SDK1: variants seen among roughly 807,000 people sequenced by gnomAD.
The protein encoded by SDK1 is protein sidekick-1.
In SDK1, 157 loss-of-function variants were observed where a neutral mutation model predicts 245.5. That is an observed-to-expected ratio of 0.64 (90% CI 0.56 to 0.73). The LOEUF (loss-of-function observed/expected upper bound fraction) is 0.73, where lower values mean the gene tolerates loss of function less well. SDK1 is among the 30% of genes least tolerant of loss of function. The pLI is 0.00. For synonymous variants in SDK1, 1,647 were observed against 1,278.5 expected (o/e 1.29, Z -6.15); for missense variants, 3,583 against 3,002.3 (o/e 1.19, Z -4.52).
chr7:3,638,210 T>C lies in SDK1; in HGVS notation c.459-794T>C, dbSNP rs185459561. Among the ~76,000 whole-genome samples, 6 of 152,306 alleles carry C rather than the reference T, an allele frequency of 3.9e-5. No individual in the cohort carries two copies. In the East Asian group the frequency reaches 5.8e-4, roughly 15 times the overall value. The stretch of plus-strand genomic sequence containing the variant: ...GCTTTGGGTGATATTTAAAGCCCAG[T>C]TGGGGAGACAGGTATCAGTGCGATA... On this transcript the variant is annotated intron_variant, in intron 2 of 44. Transcript: ENST00000404826.
intron 1 of SDK1, among the ~76,000 whole-genome samples, chr7:3,411,406 A>G (rs1562470784): frequency 1.3e-5 from 2 of 152,224 alleles, no homozygotes; most frequent in Middle Eastern, 3.2e-3. Context: ...AATCAGGAAC[A>G]TATGATCCAA....
intron 4 of SDK1, among the ~76,000 whole-genome samples, chr7:3,668,972 G>T (rs757774985): frequency 6.6e-6 from 1 of 152,170 alleles, no homozygotes; most frequent in African/African-American, 2.4e-5. Context: ...AGCATGTCTG[G>T]TAAGGAATGT....
chr7:3,521,559 T>C (rs1036971233), intron 1 of SDK1, among the ~76,000 whole-genome samples: 1 of 152,144 alleles, frequency 6.6e-6, no homozygotes, highest in African/African-American at 2.4e-5. Flanking sequence ...GTTAGTGTTT[T>C]AGGAGTTTAA....
chr7:3,483,323 A>C (rs778829051), intron 1 of SDK1, among the ~76,000 whole-genome samples: 15 of 151,994 alleles, frequency 9.9e-5, no homozygotes, highest in Non-Finnish European at 1.5e-4. Context: ...ACCTTTTTTT[A>C]GTTTTATACC....
chr7:3,619,915 C>T lies in SDK1; in HGVS notation c.458+676C>T, dbSNP rs190297608. On this transcript the variant is annotated intron_variant, in intron 2 of 44. Transcript: ENST00000404826. ...GAGGCAGTAGCACAGCCTTTGGAGC[C>T]TCAGGGTCTTACCACGCTTCAGAGC... Among the ~76,000 whole-genome samples, 5 of 152,238 alleles carry T rather than the reference C, an allele frequency of 3.3e-5. No homozygotes were observed. In the East Asian group the frequency reaches 9.7e-4, roughly 29 times the overall value.
chr7:3,550,391 G>A (rs1352224445), intron 1 of SDK1, among the ~76,000 whole-genome samples: 3 of 152,096 alleles, frequency 2.0e-5, no homozygotes, highest in African/African-American at 7.2e-5. Context: ...ACTGTGGCAC[G>A]AGTAAGAACT....
At chr7:3,853,482 T>A (rs866057008) in intron 5 of SDK1, among the ~76,000 whole-genome samples, 6 of 152,196 alleles carry the variant, frequency 3.9e-5, no homozygotes, top group East Asian at 1.9e-4. Flanking sequence ...TAATTAAATT[T>A]TATATATATG....
intron 38 of SDK1, among the ~76,000 whole-genome samples, chr7:4,211,498 T>C (rs1035181164): frequency 3.9e-5 from 6 of 151,976 alleles, no homozygotes; most frequent in African/African-American, 1.4e-4. Flanking sequence ...GGTACTGGCG[T>C]GAAGTGGAGG....
In SDK1 at chr7:3,645,908, G is replaced by C. The variant is rs1468319315; in HGVS notation, c.713+3803G>C. Reference sequence around the variant, plus strand: ...GAGTCTTGTTCTGTTGCCCAGGCTGGAGTGCAGTGGCCCAATCTAGGCTCA... The same window carrying C: ...GAGTCTTGTTCTGTTGCCCAGGCTGCAGTGCAGTGGCCCAATCTAGGCTCA... On this transcript the variant is annotated intron_variant, in intron 4 of 44. Transcript: ENST00000404826. Among the ~76,000 whole-genome samples, 7 of 151,898 alleles carry C rather than the reference G, an allele frequency of 4.6e-5. No individual in the cohort carries two copies. In the East Asian group the frequency reaches 1.4e-3, roughly 29 times the overall value.
At chr7:3,608,014 G>T (rs1781475535) in intron 1 of SDK1, among the ~76,000 whole-genome samples, 1 of 152,172 alleles carries the variant, frequency 6.6e-6, no homozygotes, top group Non-Finnish European at 1.5e-5. Context: ...CCCTTGTTGA[G>T]CTTTTGGCAA....
At chr7:3,713,201 G>A (rs1186023687) in intron 4 of SDK1, among the ~76,000 whole-genome samples, 1 of 152,226 alleles carries the variant, frequency 6.6e-6, no homozygotes, top group Non-Finnish European at 1.5e-5. Context: ...TCAGCGAATT[G>A]ATGGATGATG....
intron 1 of SDK1, among the ~76,000 whole-genome samples, chr7:3,503,766 A>C (rs982202618): frequency 3.9e-5 from 6 of 152,308 alleles, no homozygotes; most frequent in African/African-American, 1.4e-4. Context: ...AGACTAGTAC[A>C]CTGAAAATTT....
chr7:3,550,160 A>G (rs551813205), intron 1 of SDK1, among the ~76,000 whole-genome samples: 1 of 152,306 alleles, frequency 6.6e-6, no homozygotes, highest in East Asian at 1.9e-4. Context: ...ATATATGCAT[A>G]TCTCAAATTT....
At chr7:3,404,856 G>C (rs1779006905) in intron 1 of SDK1, among the ~76,000 whole-genome samples, 1 of 152,186 alleles carries the variant, frequency 6.6e-6, no homozygotes, top group Non-Finnish European at 1.5e-5. Context: ...TTAAAATAAT[G>C]TAATGTTAAT....
intron 36 of SDK1, among the ~76,000 whole-genome samples, chr7:4,206,434 C>T (rs1343280136): frequency 1.3e-5 from 2 of 152,176 alleles, no homozygotes; most frequent in Non-Finnish European, 2.9e-5. Flanking sequence ...TGAGTGAGTC[C>T]CTTGATTCGG....
In SDK1 at chr7:4,173,720, G is replaced by C. The variant is rs1781995502; in HGVS notation, c.4801-502G>C. Reference sequence around the variant, plus strand: ...AGGGGCCATGGGGATTCCAGCCTGAGGACTGAGTCCGGCACAGTGGGGTGG... The same window carrying C: ...AGGGGCCATGGGGATTCCAGCCTGACGACTGAGTCCGGCACAGTGGGGTGG... On this transcript the variant is annotated intron_variant, in intron 32 of 44. Transcript: ENST00000404826. Among the ~76,000 whole-genome samples the C allele has an allele frequency of 3.3e-5, 5 of 152,336 alleles. No individual in the cohort carries two copies. The South Asian group carries it at 6.2e-4, about 19-fold the overall frequency.
At chr7:3,738,041 G>T (rs2115048598) in intron 4 of SDK1, among the ~76,000 whole-genome samples, 1 of 152,262 alleles carries the variant, frequency 6.6e-6, no homozygotes, top group Admixed American at 6.5e-5. Flanking sequence ...TTTTGTGAGG[G>T]GACGAAAGCT....
At chr7:3,980,596 G>A (rs892469078) in intron 13 of SDK1, among the ~76,000 whole-genome samples, 2 of 152,232 alleles carry the variant, frequency 1.3e-5, no homozygotes, top group Non-Finnish European at 1.5e-5. Context: ...TTATTGATGG[G>A]TTAGTCAAGG....
Position 3,385,520 on chromosome 7 carries a change from G to T in SDK1, c.298+83636G>T, listed in dbSNP as rs947532182. ...CTTTTTTTCTAATAAAAAAACTCCA[G>T]AATCTTCCTGGATTAGCCTCAGACC... On this transcript the variant is annotated intron_variant, in intron 1 of 44. Coordinates refer to ENST00000404826, the MANE Select transcript of SDK1 (RefSeq NM_152744.4). Among the ~76,000 whole-genome samples, 3 of 151,706 alleles carry T rather than the reference G, an allele frequency of 2.0e-5. No individual in the cohort carries two copies. The East Asian group carries it at 5.8e-4, about 29-fold the overall frequency.
Sources: allele counts gnomAD v4.1 joint callset (sites outside exome capture counted in the v4.1 genomes callset), GRCh38; gene constraint gnomAD v4.1.1; transcripts MANE v1.5; gene names NCBI Gene and HGNC (gene_info 2026-07-23, HGNC 2026-07-21).